Variants in LPCAT1 observed in about 807,000 individuals in gnomAD.
LPCAT1 encodes lysophosphatidylcholine acyltransferase 1.
Under a neutral mutation model 60.9 loss-of-function variants are expected in LPCAT1, and 23 were observed. The ratio of observed to expected loss-of-function variants is 0.38; its 90% CI spans 0.27 to 0.53. The LOEUF is 0.53. Among genes scored for constraint, LPCAT1 ranks in the 20% least tolerant of loss-of-function variants. LPCAT1 has a pLI of 0.82. For synonymous variants in LPCAT1, 340 were observed against 301.1 expected (o/e 1.13, Z -1.34); for missense variants, 622 against 723.6 (o/e 0.86, Z 1.61).
intron 6 of LPCAT1, among the ~76,000 whole-genome samples, chr5:1,482,724 G>C (rs1735208813): frequency 6.9e-6 from 1 of 144,558 alleles, no homozygotes; most frequent in Non-Finnish European, 1.5e-5. Context: ...GGCTGGGGTG[G>C]GGTGGGGTGG....
At chr5:1,467,385 G>A (rs2937657) in intron 12 of LPCAT1, 3,817 of 153,376 alleles carry the variant, frequency 0.025, 176 homozygotes, top group African/African-American at 0.088. Context: ...GAAATGAGAA[G>A]GACCTGGGAG....
intron 11 of LPCAT1, among the ~76,000 whole-genome samples, chr5:1,472,146 T>C (rs113149699): frequency 3.3e-4 from 47 of 144,420 alleles, no homozygotes; most frequent in Middle Eastern, 7.8e-3. Flanking sequence ...AGAGAGCAGG[T>C]GAGGAGCACC....
In LPCAT1 at chr5:1,488,372, A is replaced by T. The variant is rs756583352; in HGVS notation, c.667+19T>A. 4.0e-6 allele frequency: 6 copies of T among 1,512,286 alleles called. No homozygotes were observed. The highest frequency in any genetic ancestry group is 5.4e-6 in the Non-Finnish European group (6 of 1,109,010). 93.7% of individuals were successfully genotyped at this position (1,512,286 alleles called of 1,614,324 possible). On this transcript the variant is annotated intron_variant, in intron 5 of 13. Coordinates refer to ENST00000283415, the MANE Select transcript of LPCAT1 (RefSeq NM_024830.5). ...CCTTTTCTCTAGGAGAAAAATAAAC[A>T]TTTAAGAAAACTACATACCAGGTTT...
chr5:1,468,125 C>A (rs1390976750), intron 12 of LPCAT1, among the ~76,000 whole-genome samples: 2 of 152,130 alleles, frequency 1.3e-5, no homozygotes, highest in Admixed American at 1.3e-4. Flanking sequence ...GGCAAGCTGT[C>A]CCCGCGTTCA....
chr5:1,515,637 C>T lies in LPCAT1; in HGVS notation c.135+8073G>A, dbSNP rs548040421. On this transcript the variant is annotated intron_variant, in intron 1 of 13. Transcript: ENST00000283415. Reference sequence around the variant, plus strand: ...GGGACCCTCCCCCACCTCCCACTGCCGCCCACACACAACATCCTGGCCTAA... The same window carrying T: ...GGGACCCTCCCCCACCTCCCACTGCTGCCCACACACAACATCCTGGCCTAA... Among the ~76,000 whole-genome samples the T allele has an allele frequency of 5.9e-5, 9 of 152,090 alleles. No individual in the cohort carries two copies. The South Asian group carries it at 1.7e-3, about 28-fold the overall frequency.
At chr5:1,498,542 C>T (rs1735880410) in intron 2 of LPCAT1, among the ~76,000 whole-genome samples, 1 of 152,282 alleles carries the variant, frequency 6.6e-6, no homozygotes, top group Admixed American at 6.5e-5. Flanking sequence ...CACACACACA[C>T]TCATACATAT....
At position 1,474,685 on chromosome 5, in the gene LPCAT1, C is replaced by T. The variant is rs1226414454; in HGVS notation, c.900G>A (p.Glu300=). ...YASNVRRVMA[E]ALGVSVTDYT... The stretch of plus-strand genomic sequence containing the variant: ...AGTCAGTCACGGAGACACCCAAGGC[C>T]CTACAAGGAGGGCAGCACCCCCGTC... The change falls in exon 10 of 14, where the codon GAG becomes GAA. Residue 300 remains glutamate (E), a splice_region_variant and synonymous_variant. Coordinates refer to ENST00000283415, the MANE Select transcript of LPCAT1 (RefSeq NM_024830.5). The T allele has an allele frequency of 1.2e-6, 2 of 1,612,740 alleles. No homozygotes were observed. The highest frequency in any genetic ancestry group is 1.7e-6 in the Non-Finnish European group (2 of 1,179,352).
chr5:1,476,621 T>C lies in LPCAT1; in HGVS notation c.899+783A>G, dbSNP rs1372265426. Among the ~76,000 whole-genome samples the C allele has an allele frequency of 6.6e-6, 1 of 152,140 alleles. No individual in the cohort carries two copies. Among genetic ancestry groups the C allele is most frequent in the Non-Finnish European group, 1.5e-5 (1 of 68,006 alleles). ...GCTGATGTGGCTTCCAAGTGGCTCC[T>C]GCAGCTCAGGTCTGGCAGCCGCCCG... On this transcript the variant is annotated intron_variant, in intron 9 of 13. Coordinates refer to ENST00000283415, the MANE Select transcript of LPCAT1 (RefSeq NM_024830.5). This position sits in a 1 kb window ranked among gnomAD's most constrained non-coding sequence, Gnocchi z 8.6.
Position 1,496,404 on chromosome 5 carries a change from A to G in LPCAT1, c.279-1490T>C, listed in dbSNP as rs1735791958. ...AATAAAGATGTACTCTTCTGTGCAC[A>G]TGTTATTTTCCACAAAAAAAAAAAA... On this transcript the variant is annotated intron_variant, in intron 2 of 13. Coordinates refer to ENST00000283415, the MANE Select transcript of LPCAT1 (RefSeq NM_024830.5). The surrounding 1 kb of genome is among the most constrained non-coding windows in gnomAD (Gnocchi z 4.7). Among the ~76,000 whole-genome samples, 1 of 149,226 alleles carries G rather than the reference A, an allele frequency of 6.7e-6. No homozygotes were observed. Among genetic ancestry groups the G allele is most frequent in the Non-Finnish European group, 1.5e-5 (1 of 67,570 alleles).
chr5:1,471,750 T>A (rs1734675997), intron 11 of LPCAT1, among the ~76,000 whole-genome samples: 1 of 148,512 alleles, frequency 6.7e-6, no homozygotes, highest in South Asian at 2.1e-4. Context: ...CAAGAGAAGG[T>A]GGGGAGCACA....
chr5:1,472,855 T>C (rs950103309), intron 11 of LPCAT1, among the ~76,000 whole-genome samples: 5 of 152,082 alleles, frequency 3.3e-5, no homozygotes, highest in Admixed American at 3.3e-4. Context: ...AGCTGCCCTG[T>C]AGCAGAGGGC....
rs1009204632 is a variant in LPCAT1, at chr5:1,501,327, G to T, written c.278+134C>A. On this transcript the variant is annotated intron_variant, in intron 2 of 13. Coordinates refer to ENST00000283415, the MANE Select transcript of LPCAT1 (RefSeq NM_024830.5). ...TCCCCACTGGCAGGGGGCAGCCCTG[G>T]TGGACGCTGGGCTCAGAAGGGAAGG... The T allele has an allele frequency of 2.4e-6, 3 of 1,260,826 alleles. No individual in the cohort carries two copies. In the East Asian group the frequency reaches 7.7e-5, roughly 32 times the overall value. 78.1% of individuals were successfully genotyped at this position (1,260,826 alleles called of 1,614,324 possible).
In LPCAT1 at chr5:1,463,534, C is replaced by G. The variant is rs1734193252; in HGVS notation, c.*117G>C. 8.7e-7 allele frequency: 1 copy of G among 1,149,156 alleles called. No individual in the cohort carries two copies. Among genetic ancestry groups the G allele is most frequent in the East Asian group, 2.5e-5 (1 of 39,466 alleles). The allele number at this position is 1,149,156 out of a possible 1,614,324, so 71.2% of individuals were successfully genotyped here. ...GCCCCCGAGGCCCCTGGAACTCGGG[C>G]TGAAGACAGTGCCTGTACAGCAGGA... On this transcript the variant is annotated 3_prime_UTR_variant, in exon 14 of 14. Transcript: ENST00000283415.
chr5:1,463,912 G>A (rs1054586607), intron 13 of LPCAT1, 77 bp from the exon 14 acceptor site: 6 of 1,480,528 alleles, frequency 4.1e-6, no homozygotes, highest in East Asian at 2.3e-5. Context: ...TTTTCCCACG[G>A]CCCTGGTGGG....
At position 1,479,624 on chromosome 5, in the gene LPCAT1, G is replaced by C. The variant is rs375427371; in HGVS notation, c.813C>G (p.Ile271Met). Residue 271 changes from isoleucine (I) to methionine (M), a missense_variant, in exon 8 of 14, where the codon ATC becomes ATG. This residue lies in a region of LPCAT1 where 209 missense variants were observed against 325.5 expected (regional missense o/e 0.64). Transcript: ENST00000283415. ...TLCQFHNQVE[I>M]EFLPVYSPSE... ...GTAACTCTGTATCCATACGAACCTC[G>C]ATTTCCACTTGGTTGTGAAACTGAC... is the stretch of plus-strand genomic sequence containing the variant. The C allele has an allele frequency of 1.2e-6, 2 of 1,608,540 alleles. No homozygotes were observed. Among genetic ancestry groups the C allele is most frequent in the Non-Finnish European group, 1.7e-6 (2 of 1,174,856 alleles).
intron 13 of LPCAT1, 120 bp downstream of exon 13, chr5:1,466,629 G>C: frequency 8.9e-6 from 10 of 1,123,804 alleles, no homozygotes; most frequent in Non-Finnish European, 1.2e-5. Flanking sequence ...AGGGCAGCCT[G>C]GTGAATGGAG....
intron 3 of LPCAT1, among the ~76,000 whole-genome samples, chr5:1,493,535 C>T (rs1735667246): frequency 6.6e-6 from 1 of 152,264 alleles, no homozygotes; most frequent in Admixed American, 6.5e-5. Flanking sequence ...AGGCGACGCC[C>T]CTCGTCCCAG....
rs760041233 is a variant in LPCAT1, at chr5:1,470,808, T to A, written c.1278+18A>T. 1 of 1,609,110 alleles carries A rather than the reference T, an allele frequency of 6.2e-7. No individual in the cohort carries two copies. The highest frequency in any genetic ancestry group is 8.5e-7 in the Non-Finnish European group (1 of 1,176,542). ...CCGCCCTGTCCCCCAGTCAAACCCA[T>A]GTGAACTCTGCACTCACCTTGAAAG... On this transcript the variant is annotated intron_variant, in intron 12 of 13. Coordinates refer to ENST00000283415, the MANE Select transcript of LPCAT1 (RefSeq NM_024830.5).
chr5:1,480,275 C>T lies in LPCAT1; in HGVS notation c.762-600G>A, dbSNP rs1030773934. 9 of 968,768 alleles carry T rather than the reference C, an allele frequency of 9.3e-6. No homozygotes were observed. The highest frequency in any genetic ancestry group is 9.8e-6 in the Non-Finnish European group (8 of 815,352). The allele number at this position is 968,768 out of a possible 1,614,324, so 60.0% of individuals were successfully genotyped here. ...CTGCTCCCAGCTGGGAGCCTCCACACGCCAGCCTGGGAAGCGCTGACCTCA... is the reference window on the plus strand; with the variant it reads ...CTGCTCCCAGCTGGGAGCCTCCACATGCCAGCCTGGGAAGCGCTGACCTCA... On this transcript the variant is annotated intron_variant, in intron 7 of 13. Transcript: ENST00000283415. This position sits in a 1 kb window ranked among gnomAD's most constrained non-coding sequence, Gnocchi z 6.4.
Sources: allele counts gnomAD v4.1 joint callset (sites outside exome capture counted in the v4.1 genomes callset), GRCh38; gene constraint gnomAD v4.1.1; regional missense constraint gnomAD v4.1.1; non-coding constraint Gnocchi (gnomAD v3.1); transcripts MANE v1.5; gene names NCBI Gene and HGNC (gene_info 2026-07-23, HGNC 2026-07-21).